The following IL1RAPL2 variants were observed in gnomAD, a reference collection of about 807,000 sequenced individuals.
IL1RAPL2 encodes X-linked interleukin-1 receptor accessory protein-like 2.
In IL1RAPL2, 3 loss-of-function variants were observed where a neutral mutation model predicts 44.1. That is an observed-to-expected ratio of 0.07 (90% CI 0.03 to 0.18). IL1RAPL2 has a LOEUF of 0.18. IL1RAPL2 is among the 10% of genes least tolerant of loss of function. IL1RAPL2 has a pLI of 1.00. For missense variants in IL1RAPL2, 391 were observed against 496.4 expected (o/e 0.79, Z 2.02); for synonymous variants, 181 against 178.8 (o/e 1.01, Z -0.10).
At chrX:105,167,138 CA>C (rs1381256694) in intron 2 of IL1RAPL2, among the ~76,000 whole-genome samples, 2 of 112,034 alleles carry the variant, frequency 1.8e-5, no homozygotes, top group African/African-American at 6.5e-5. Context: ...AACCTACAAT[CA>C]AGGAGTCCCC....
At chrX:105,025,581 G>A in intron 2 of IL1RAPL2, among the ~76,000 whole-genome samples, 1 of 111,073 alleles carries the variant, frequency 9.0e-6, no homozygotes, top group Middle Eastern at 4.6e-3. Flanking sequence ...GGGCTGTAAA[G>A]TTTATTTGAT....
intron 2 of IL1RAPL2, among the ~76,000 whole-genome samples, chrX:104,813,885 C>A (rs1921066260): frequency 8.9e-6 from 1 of 111,868 alleles, no homozygotes; most frequent in Admixed American, 9.5e-5. Flanking sequence ...TTAGTTCTTA[C>A]AGCTCTTTTC....
intron 1 of IL1RAPL2, among the ~76,000 whole-genome samples, chrX:104,598,739 A>T (rs1171714738): frequency 1.8e-5 from 2 of 111,941 alleles, no homozygotes; most frequent in Non-Finnish European, 3.8e-5. Context: ...TTCTATATGA[A>T]TATCTGTGGT....
At chrX:104,814,907 T>G (rs1040268317) in intron 2 of IL1RAPL2, among the ~76,000 whole-genome samples, 1 of 111,521 alleles carries the variant, frequency 9.0e-6, no homozygotes, top group African/African-American at 3.3e-5. Context: ...GACAGCAATA[T>G]AGGAAAGTAG....
intron 2 of IL1RAPL2, among the ~76,000 whole-genome samples, chrX:105,104,744 G>A (rs1370763161): frequency 8.9e-6 from 1 of 111,892 alleles, no homozygotes; most frequent in Non-Finnish European, 1.9e-5. Context: ...CCTGTCCCCT[G>A]GAATTCACAT....
chrX:105,463,567 CTCCCACA>C (rs1569444194), intron 5 of IL1RAPL2, among the ~76,000 whole-genome samples: 1 of 33,042 alleles, frequency 3.0e-5, no homozygotes, highest in African/African-American at 1.1e-4. Context: ...CTCTCTCTCT[CTCCCACA>C]CACACACACA....
At chrX:104,892,641 C>G (rs893206476) in intron 2 of IL1RAPL2, among the ~76,000 whole-genome samples, 5 of 111,094 alleles carry the variant, frequency 4.5e-5, no homozygotes, top group African/African-American at 1.6e-4. Context: ...TTGTGATATC[C>G]CCTTTATCAT....
intron 3 of IL1RAPL2, among the ~76,000 whole-genome samples, chrX:105,202,360 T>C (rs1556147066): frequency 1.8e-5 from 2 of 112,597 alleles, no homozygotes; most frequent in Non-Finnish European, 3.8e-5. Context: ...TACACAATCT[T>C]AAGTGACTTG....
At chrX:104,931,995 TA>T (rs200524789) in intron 2 of IL1RAPL2, among the ~76,000 whole-genome samples, 7,695 of 20,545 alleles carry the variant, frequency 0.37, 689 homozygotes, top group African/African-American at 0.47. Context: ...TATATATATA[TA>T]TTTTTTTTTT....
intron 7 of IL1RAPL2, among the ~76,000 whole-genome samples, chrX:105,720,466 C>T (rs1361910666): frequency 9.3e-6 from 1 of 106,994 alleles, no homozygotes; most frequent in Non-Finnish European, 1.9e-5. Context: ...ACTTGTTTTG[C>T]TCTGGATTAT....
intron 2 of IL1RAPL2, among the ~76,000 whole-genome samples, chrX:104,911,274 A>T (rs763039669): frequency 8.9e-6 from 1 of 112,188 alleles, no homozygotes; most frequent in Non-Finnish European, 1.9e-5. Context: ...GAAAAGGGAA[A>T]AAAGCTACTT....
chrX:104,705,108 A>T (rs1053402008), intron 2 of IL1RAPL2, among the ~76,000 whole-genome samples: 3 of 111,692 alleles, frequency 2.7e-5, no homozygotes, highest in African/African-American at 9.8e-5. Context: ...ACTAACAATT[A>T]CTGAATGCAT....
intron 6 of IL1RAPL2, among the ~76,000 whole-genome samples, chrX:105,684,797 A>G (rs2037955837): frequency 4.8e-5 from 1 of 20,658 alleles, no homozygotes; most frequent in Admixed American, 7.3e-4. Context: ...CAGACACCTC[A>G]TATAGGCAGC....
chrX:104,893,173 G>A (rs1028233302), intron 2 of IL1RAPL2, among the ~76,000 whole-genome samples: 3 of 111,771 alleles, frequency 2.7e-5, no homozygotes, highest in Non-Finnish European at 5.6e-5. Context: ...TATAATTTCT[G>A]TTCTTTTACA....
At chrX:104,657,191 T>C (rs1430234880) in intron 1 of IL1RAPL2, among the ~76,000 whole-genome samples, 2 of 111,412 alleles carry the variant, frequency 1.8e-5, no homozygotes, top group East Asian at 5.7e-4. Flanking sequence ...AGGTTAATAT[T>C]GTTATTTGTG....
intron 7 of IL1RAPL2, among the ~76,000 whole-genome samples, chrX:105,737,972 A>C (rs749418944): frequency 8.9e-6 from 1 of 111,811 alleles, no homozygotes; most frequent in African/African-American, 3.2e-5. Flanking sequence ...CAGTTAAGAA[A>C]ATTCTTATAC....
At chrX:104,798,310 C>G (rs931415462) in intron 2 of IL1RAPL2, among the ~76,000 whole-genome samples, 3 of 110,052 alleles carry the variant, frequency 2.7e-5, no homozygotes, top group Admixed American at 9.8e-5. Flanking sequence ...ACCTAGAGAA[C>G]AGCTGGTTCA....
chrX:104,673,218 T>C (rs1457755140), intron 2 of IL1RAPL2, among the ~76,000 whole-genome samples: 1 of 111,849 alleles, frequency 8.9e-6, no homozygotes, highest in African/African-American at 3.3e-5. Context: ...TTCTAGGGTT[T>C]TTATGGTTTT....
chrX:104,734,813 A>G (rs1931985397), intron 2 of IL1RAPL2, among the ~76,000 whole-genome samples: 2 of 112,086 alleles, frequency 1.8e-5, no homozygotes, highest in Admixed American at 1.9e-4. Context: ...TAAAAATTTA[A>G]AAATTACTTC....
Sources: allele counts gnomAD v4.1 joint callset (sites outside exome capture counted in the v4.1 genomes callset), GRCh38; gene constraint gnomAD v4.1.1; transcripts MANE v1.5; gene names NCBI Gene and HGNC (gene_info 2026-07-23, HGNC 2026-07-21).